AGBL2: variants seen among roughly 807,000 people sequenced by gnomAD.
AGBL2 encodes AGBL carboxypeptidase 2.
Under a neutral mutation model 103.0 loss-of-function variants are expected in AGBL2, and 87 were observed. The observed-to-expected ratio is 0.84, with a 90% CI of 0.71 to 1.01. AGBL2 has a LOEUF of 1.01. Ranked by LOEUF, AGBL2 falls within the 50% of genes least tolerant of loss-of-function variation. The pLI is 0.00. For synonymous variants in AGBL2, 335 were observed against 356.7 expected (o/e 0.94, Z 0.69); for missense variants, 904 against 1,023.5 (o/e 0.88, Z 1.59).
chr11:47,660,469 A>G, intron 18 of AGBL2, 123 bp from the exon 19 acceptor site: 1 of 858,746 alleles, frequency 1.2e-6, no homozygotes, highest in South Asian at 1.8e-5. Flanking sequence ...TTCCCCAAAT[A>G]TAAAAGTAGT....
rs961585221 is a variant in AGBL2, at chr11:47,705,919, T to C, written c.233-2A>G. 6.2e-7 allele frequency: 1 copy of C among 1,614,020 alleles called. No homozygotes were observed. The highest frequency in any genetic ancestry group is 1.7e-5 in the Admixed American group (1 of 60,008). On this transcript the variant is annotated splice_acceptor_variant, in intron 4 of 18. Coordinates refer to ENST00000525123, the MANE Select transcript of AGBL2 (RefSeq NM_024783.4). LOFTEE classifies it high-confidence loss of function. ...CAGCTGAAGATAAACTGATAGGCCC[T>C]AGAAAGAGGAAGAGGAGGCACCCTT...
At position 47,685,934 on chromosome 11, in the gene AGBL2, G is replaced by A. The variant is rs764666741; in HGVS notation, c.1747C>T (p.Arg583Ter). The change falls in exon 11 of 19, where the codon CGA (arginine) becomes TGA (stop). Residue 583 changes from arginine to a stop codon, truncating the protein, a stop_gained. Transcript: ENST00000525123. LOFTEE classifies it high-confidence loss of function. ...TTGCATAACATTAAAGGAAAGACTC[G>A]TTCATGAAGCCAGTATTTGCGATTG... ...NNNRKYWLHERVFPLMLCKNA... is the reference protein window; with the variant it reads ...NNNRKYWLHE 27 of 1,613,842 alleles carry A rather than the reference G, an allele frequency of 1.7e-5. No homozygotes were observed. Among genetic ancestry groups the A allele is most frequent in the South Asian group, 2.2e-5 (2 of 91,070 alleles).
rs76492621 is a variant in AGBL2 at position 47,705,641 on chromosome 11, C to A, written c.287-7G>T. 1.2e-3 allele frequency: 507 copies of A among 412,396 alleles called. No homozygotes were observed. The highest frequency in any genetic ancestry group is 2.8e-3 in the African/African-American group (105 of 37,852). The allele number at this position is 412,396 out of a possible 1,614,324, so 25.5% of individuals were successfully genotyped here. ...CCCAGGCAAGAGTGAAAGTCTGTGT[C>A]AAAAAAAAAAAAAAAAGAAAAAGAA... On this transcript the variant is annotated splice_polypyrimidine_tract_variant and splice_region_variant and intron_variant, in intron 5 of 18. Transcript: ENST00000525123.
intron 7 of AGBL2, among the ~76,000 whole-genome samples, chr11:47,701,650 C>A (rs1259015612): frequency 6.6e-6 from 1 of 151,614 alleles, no homozygotes; most frequent in East Asian, 1.9e-4. Context: ...ATAGTGAGAC[C>A]ATGTGTCTCT....
At chr11:47,678,286 C>CGCTAT (rs1554952156) in intron 13 of AGBL2, among the ~76,000 whole-genome samples, 7 of 128,682 alleles carry the variant, frequency 5.4e-5, no homozygotes, top group African/African-American at 1.9e-4. Context: ...CAATGCAATA[C>CGCTAT]TCTATTTTAT....
chr11:47,701,928 A>T (rs2153805019), intron 7 of AGBL2, among the ~76,000 whole-genome samples: 1 of 149,994 alleles, frequency 6.7e-6, no homozygotes. Flanking sequence ...AGCCAAGATC[A>T]TGCCACTGCA....
In AGBL2 at chr11:47,666,995, A is replaced by G. The variant is rs148373816; in HGVS notation, c.2409T>C (p.Ser803=). ...PTFFKNSENS[S]FLPMKNENPR... ...GGTTTTCATTTTTCATTGGTAAAAA[A>G]CTGGAATTCTCTGAGTTTTTGAAAA... The change falls in exon 17 of 19, where the codon AGT becomes AGC. Residue 803 remains serine (S), a synonymous_variant. Coordinates refer to ENST00000525123, the MANE Select transcript of AGBL2 (RefSeq NM_024783.4). 596 of 1,613,778 alleles carry G rather than the reference A, an allele frequency of 3.7e-4. No individual in the cohort carries two copies. Among genetic ancestry groups the G allele is most frequent in the Non-Finnish European group, 4.8e-4 (562 of 1,179,906 alleles).
chr11:47,664,884 T>A (rs561284856), intron 17 of AGBL2, among the ~76,000 whole-genome samples: 1,457 of 134,272 alleles, frequency 0.011, 57 homozygotes, highest in Admixed American at 0.077. Flanking sequence ...ACCTTTTTTT[T>A]TTTTTTTTTT....
rs559140742 is a variant in AGBL2, at chr11:47,705,946, G to A, written c.233-29C>T. ...GAAAGAGGAAGAGGAGGCACCCTTG[G>A]TGTCAGGGATCGTTGTCTTCTTTTC... On this transcript the variant is annotated intron_variant, in intron 4 of 18. Transcript: ENST00000525123. The A allele has an allele frequency of 1.0e-5, 16 of 1,604,504 alleles. No individual in the cohort carries two copies. In the South Asian group the frequency reaches 1.7e-4, roughly 17 times the overall value.
At position 47,682,844 on chromosome 11, in the gene AGBL2, T is replaced by C. The variant is rs372608981; in HGVS notation, c.1789-749A>G. Among the ~76,000 whole-genome samples the C allele has an allele frequency of 5.3e-5, 8 of 152,214 alleles. No homozygotes were observed. The South Asian group carries it at 8.3e-4, about 16-fold the overall frequency. Reference sequence around the variant, plus strand: ...TGCTCTGTGGAATCCAGGGGTTCTATTGAGGAGCCTCAGGGCATTTCTGCT... The same window carrying C: ...TGCTCTGTGGAATCCAGGGGTTCTACTGAGGAGCCTCAGGGCATTTCTGCT... On this transcript the variant is annotated intron_variant, in intron 11 of 18. Coordinates refer to ENST00000525123, the MANE Select transcript of AGBL2 (RefSeq NM_024783.4).
intron 18 of AGBL2, among the ~76,000 whole-genome samples, chr11:47,662,680 G>C (rs1177612207): frequency 2.0e-5 from 3 of 152,022 alleles, no homozygotes; most frequent in Non-Finnish European, 4.4e-5. Context: ...TTTTAATAGA[G>C]ATGGGGTTTC....
chr11:47,710,822 T>C (rs754329318), intron 3 of AGBL2: 3 of 475,274 alleles, frequency 6.3e-6, no homozygotes, highest in South Asian at 3.1e-5. Flanking sequence ...ACTCAGAAAA[T>C]GATAGCCAAA....
At chr11:47,700,027 G>A (rs955633254) in intron 7 of AGBL2, among the ~76,000 whole-genome samples, 10 of 151,624 alleles carry the variant, frequency 6.6e-5, no homozygotes, top group African/African-American at 1.7e-4. Flanking sequence ...GTGCAATCTC[G>A]GCTCACCGCA....
intron 8 of AGBL2, among the ~76,000 whole-genome samples, chr11:47,692,639 C>T (rs899149278): frequency 6.6e-6 from 1 of 151,904 alleles, no homozygotes; most frequent in African/African-American, 2.4e-5. Context: ...GTCTCGATCT[C>T]CTGACCTTGT....
intron 7 of AGBL2, among the ~76,000 whole-genome samples, chr11:47,702,246 G>A (rs1435429938): frequency 6.6e-6 from 1 of 152,060 alleles, no homozygotes; most frequent in African/African-American, 2.4e-5. Context: ...TTCTATGGTT[G>A]CCCAAGCATG....
At chr11:47,696,010 CAAAAAAA>C (rs1171058500) in intron 8 of AGBL2, among the ~76,000 whole-genome samples, 5 of 17,200 alleles carry the variant, frequency 2.9e-4, no homozygotes, top group African/African-American at 1.3e-3. Flanking sequence ...ACTAAAAATA[CAAAAAAA>C]AAAAAAAAAA....
chr11:47,668,781 TG>T, intron 15 of AGBL2, 59 bp downstream of exon 15: 1 of 1,307,056 alleles, frequency 7.7e-7, no homozygotes, highest in Non-Finnish European at 1.1e-6. Context: ...ACAAATTGTC[TG>T]GTAGTGTCAT....
chr11:47,710,264 G>A, intron 4 of AGBL2, 113 bp downstream of exon 4: 1 of 1,297,840 alleles, frequency 7.7e-7, no homozygotes, highest in Non-Finnish European at 1.1e-6. Context: ...GTTAGAAACA[G>A]AGGCCAAGGC....
intron 14 of AGBL2, among the ~76,000 whole-genome samples, chr11:47,669,470 A>T (rs2097350767): frequency 6.6e-6 from 1 of 152,032 alleles, no homozygotes; most frequent in Non-Finnish European, 1.5e-5. Flanking sequence ...GGAGGTGGTC[A>T]GGAGTTTGAG....
Sources: gnomAD v4.1 joint callset for allele counts (sites outside exome capture counted in the v4.1 genomes callset) on GRCh38, gnomAD v4.1.1 for gene constraint, MANE v1.5 for transcripts, NCBI Gene and HGNC (gene_info 2026-07-23, HGNC 2026-07-21) for gene names.